Variants in SETD5 observed in about 807,000 individuals in gnomAD.
The protein encoded by SETD5 is SET domain containing 5.
SETD5 carries 44 observed loss-of-function variants against 153.3 expected under a neutral mutation model. That is an observed-to-expected ratio of 0.29 (90% CI 0.23 to 0.37). SETD5 has a LOEUF of 0.37. Ranked by LOEUF, SETD5 falls within the 10% of genes least tolerant of loss-of-function variation. The pLI is 1.00. For missense variants in SETD5, 1,544 were observed against 1,768.0 expected (o/e 0.87, Z 2.27); for synonymous variants, 716 against 645.2 (o/e 1.11, Z -1.66).
At chr3:9,466,129 A>G (rs986648837) in intron 18 of SETD5, among the ~76,000 whole-genome samples, 2 of 152,028 alleles carry the variant, frequency 1.3e-5, no homozygotes, top group Admixed American at 1.3e-4. Context: ...TCTACTAAAA[A>G]TACAAAATAT....
intron 14 of SETD5, 123 bp downstream of exon 14, chr3:9,447,430 T>C: frequency 7.6e-7 from 1 of 1,315,754 alleles, no homozygotes; most frequent in South Asian, 1.5e-5. Context: ...AATAAGGCCA[T>C]TAACTGTTTA....
chr3:9,450,042 T>C (rs2042441043), intron 16 of SETD5, among the ~76,000 whole-genome samples: 1 of 152,202 alleles, frequency 6.6e-6, no homozygotes, highest in Non-Finnish European at 1.5e-5. Flanking sequence ...TCTTGATAAT[T>C]CTAATGCTGG....
chr3:9,411,454 T>A (rs957114688), intron 1 of SETD5, among the ~76,000 whole-genome samples: 1 of 152,232 alleles, frequency 6.6e-6, no homozygotes, highest in African/African-American at 2.4e-5. Context: ...CAGCAATACG[T>A]CACTTTCTAA....
chr3:9,433,454 A>G (rs1642570124), intron 3 of SETD5: 2 of 1,289,866 alleles, frequency 1.6e-6, no homozygotes. Flanking sequence ...CTCACTGCAA[A>G]TGTCATGTGA....
chr3:9,420,023 ACT>A (rs547723920), intron 1 of SETD5, among the ~76,000 whole-genome samples: 186 of 152,158 alleles, frequency 1.2e-3, no homozygotes, highest in South Asian at 0.012. Context: ...TGAGAGTATA[ACT>A]CTTTAAAGAG....
At chr3:9,442,988 C>T (rs555792871) in intron 10 of SETD5, 37 of 202,102 alleles carry the variant, frequency 1.8e-4, no homozygotes, top group Non-Finnish European at 3.6e-4. Flanking sequence ...TGCCGTGAGC[C>T]GAGATCACGC....
At chr3:9,404,421 A>T (rs904165530) in intron 1 of SETD5, among the ~76,000 whole-genome samples, 2 of 152,238 alleles carry the variant, frequency 1.3e-5, no homozygotes, top group African/African-American at 2.4e-5. Flanking sequence ...TTGAGTAATT[A>T]ATTATTATTG....
Position 9,447,291 on chromosome 3 carries a change from G to T in SETD5, c.1766G>T (p.Arg589Met). ...TPQSVGVNTR[R>M]SSQAGDIAAE... is the part of the protein sequence containing the mutation. ...CAGAGTGTTGGTGTGAATACCCGGA[G>T]GTCTTCCCAAGCAGGGGTAAGAGTT... The change falls in exon 14 of 23, where the codon AGG (arginine) becomes ATG (methionine). Residue 589 changes from arginine (R) to methionine (M), a missense_variant. Transcript: ENST00000402198. 6.2e-7 allele frequency: 1 copy of T among 1,613,146 alleles called. No homozygotes were observed. The highest frequency in any genetic ancestry group is 8.5e-7 in the Non-Finnish European group (1 of 1,179,604).
Position 9,478,053 on chromosome 3 carries a change from C to T in SETD5, c.*1962C>T, listed in dbSNP as rs1166404769. ...AAGGGAAGAAGTATCACTTCTTTCT[C>T]AAGTGGAGTGTTTACACCTTGCTGT... On this transcript the variant is annotated 3_prime_UTR_variant, in exon 23 of 23. Transcript: ENST00000402198. 6.5e-6 allele frequency: 1 copy of T among 152,846 alleles called. No homozygotes were observed. The highest frequency in any genetic ancestry group is 1.5e-5 in the Non-Finnish European group (1 of 68,360). The allele number at this position is 152,846 out of a possible 1,614,324, so 9.5% of individuals were successfully genotyped here.
At chr3:9,417,498 C>T (rs188129923) in intron 1 of SETD5, among the ~76,000 whole-genome samples, 6,735 of 140,408 alleles carry the variant, frequency 0.048, 254 homozygotes, top group Admixed American at 0.12. Context: ...TTTTTTTTTT[C>T]CCCCCGAGAC....
chr3:9,411,821 A>G (rs529188298), intron 1 of SETD5, among the ~76,000 whole-genome samples: 1 of 152,320 alleles, frequency 6.6e-6, no homozygotes, highest in East Asian at 1.9e-4. Context: ...CCTGATTTTC[A>G]ATACTTCATT....
chr3:9,464,581 A>G lies in SETD5; in HGVS notation c.2633A>G (p.Glu878Gly). ...ACACCTGGCTCATCTCACCCAGGAG[A>G]AGAGGAGTGTCGAAATGGATACAGC... ...LATPGSSHPG[E>G]EECRNGYSLM... The change falls in exon 18 of 23, where the codon GAA becomes GGA. Residue 878 changes from glutamate (E) to glycine (G), a missense_variant. Physicochemically the swap from Glu to Gly is moderately conservative, Grantham distance 98 (BLOSUM62 -2). Transcript: ENST00000402198. 3 of 1,613,862 alleles carry G rather than the reference A, an allele frequency of 1.9e-6. No homozygotes were observed. Among genetic ancestry groups the G allele is most frequent in the Non-Finnish European group, 8.5e-7 (1 of 1,179,856 alleles).
chr3:9,425,575 C>CTT (rs767789314), intron 2 of SETD5, among the ~76,000 whole-genome samples: 53 of 108,068 alleles, frequency 4.9e-4, no homozygotes, highest in African/African-American at 8.9e-4. Context: ...AGAAACTGTA[C>CTT]TTTTTTTTTT....
At chr3:9,429,102 C>T in intron 3 of SETD5, 93 bp downstream of exon 3, 1 of 811,622 alleles carries the variant, frequency 1.2e-6, no homozygotes, top group East Asian at 2.9e-5. Context: ...GTAGTATTTT[C>T]TTAACCAGAT....
chr3:9,475,935 G>T lies in SETD5; in HGVS notation c.4173G>T (p.Leu1391=). ...CATCAGACTTACGGACTATCAGTCT[G>T]CCCAGTGCTGGGCAGTCAGCTGTCT... The part of the protein sequence containing the change: ...SLPSDLRTIS[L]PSAGQSAVYQ... Residue 1391 remains leucine (L), a synonymous_variant, in exon 23 of 23, where the codon CTG becomes CTT. Transcript: ENST00000402198. 1 of 1,614,016 alleles carries T rather than the reference G, an allele frequency of 6.2e-7. No individual in the cohort carries two copies. The highest frequency in any genetic ancestry group is 8.5e-7 in the Non-Finnish European group (1 of 1,179,898).
chr3:9,468,004 C>G (rs2044815599), intron 18 of SETD5, among the ~76,000 whole-genome samples: 1 of 151,402 alleles, frequency 6.6e-6, no homozygotes, highest in African/African-American at 2.4e-5. Flanking sequence ...TGGCCATCTC[C>G]CTAACCATGT....
In SETD5 at chr3:9,428,873, C is replaced by A; in HGVS notation, c.-66C>A. The A allele has an allele frequency of 8.1e-7, 1 of 1,239,892 alleles. No individual in the cohort carries two copies. The highest frequency in any genetic ancestry group is 1.2e-6 in the Non-Finnish European group (1 of 859,354). The allele number at this position is 1,239,892 out of a possible 1,614,324, so 76.8% of individuals were successfully genotyped here. On this transcript the variant is annotated 5_prime_UTR_variant, in exon 3 of 23. Transcript: ENST00000402198. ...GATGAGGCTCTGCAGCTCACCCCCA[C>A]TCTCAGAGTGGTCAGTCTCCATTAA... is the stretch of plus-strand genomic sequence containing the variant.
In SETD5 at chr3:9,473,409, A is replaced by T; in HGVS notation, c.3369A>T (p.Pro1123=). ...HGVQGSSART[P]SSPHKKFSPS... ...TGCAGGGATCCTCAGCCCGAACTCC[A>T]TCTTCCCCTCACAAAAAATTCTCCC... The change falls in exon 20 of 23, where the codon CCA becomes CCT. Residue 1123 remains proline, a synonymous_variant. Transcript: ENST00000402198. 2 of 1,613,954 alleles carry T rather than the reference A, an allele frequency of 1.2e-6. No homozygotes were observed. The highest frequency in any genetic ancestry group is 1.7e-6 in the Non-Finnish European group (2 of 1,179,882).
chr3:9,470,597 G>A lies in SETD5; in HGVS notation c.2863G>A (p.Glu955Lys), dbSNP rs1189479328. 10 of 1,613,944 alleles carry A rather than the reference G, an allele frequency of 6.2e-6. No homozygotes were observed. Among genetic ancestry groups the A allele is most frequent in the Non-Finnish European group, 8.5e-6 (10 of 1,179,880 alleles). ...TCATCCCTCCCTCGGACCCACTTCT[G>A]AGACTGGTTTCCCAAGCAGAAGTGG... ...APHPSLGPTS[E>K]TGFPSRSGDG... The change falls in exon 19 of 23, where the codon GAG becomes AAG. Residue 955 changes from glutamate to lysine, a missense_variant. Around this residue, in one of 9 missense-constraint regions of SETD5, gnomAD observed 782 missense variants for 787.2 expected, o/e 0.99. Coordinates refer to ENST00000402198, the MANE Select transcript of SETD5 (RefSeq NM_001080517.3).
Sources: allele counts gnomAD v4.1 joint callset (sites outside exome capture counted in the v4.1 genomes callset), GRCh38; gene constraint gnomAD v4.1.1; regional missense constraint gnomAD v4.1.1; transcripts MANE v1.5; gene names NCBI Gene and HGNC (gene_info 2026-07-23, HGNC 2026-07-21).